NEUROD1: variants seen among roughly 807,000 people sequenced by gnomAD.
The protein encoded by NEUROD1 is neuronal differentiation 1.
Under a neutral mutation model 21.8 loss-of-function variants are expected in NEUROD1, and 9 were observed. That is an observed-to-expected ratio of 0.41 (90% CI 0.25 to 0.72). The LOEUF (loss-of-function observed/expected upper bound fraction) is 0.72. NEUROD1 is among the 30% of genes least tolerant of loss of function. NEUROD1 has a pLI of 0.31. For missense variants in NEUROD1, 434 were observed against 468.8 expected, an observed-to-expected ratio of 0.93 and a Z score of 0.69; for synonymous variants, 199 against 186.2, an observed-to-expected ratio of 1.07 and a Z score of -0.56.
downstream of NEUROD1, among the ~76,000 whole-genome samples, chr2:181,670,024 T>A (rs1167714819): frequency 6.6e-6 from 1 of 152,196 alleles, no homozygotes; most frequent in African/African-American, 2.4e-5. Context: ...GGACTAGAAT[T>A]TTTTTAAAAT....
At chr2:181,672,621 G>A (rs1429933455), downstream of NEUROD1, among the ~76,000 whole-genome samples, 1 of 152,206 alleles carries the variant, frequency 6.6e-6, no homozygotes, top group Non-Finnish European at 1.5e-5. Flanking sequence ...AGTGATTTTG[G>A]TGGAGTTGAA....
At chr2:181,672,123 T>C (rs1688507588), downstream of NEUROD1, among the ~76,000 whole-genome samples, 1 of 152,192 alleles carries the variant, frequency 6.6e-6, no homozygotes, top group African/African-American at 2.4e-5. Flanking sequence ...AAGCCTATAA[T>C]AGTTTTTCTT....
exon 2 of NEUROD1, among the ~76,000 whole-genome samples, chr2:181,670,435 A>G (rs1015683870): frequency 6.6e-6 from 1 of 152,324 alleles, no homozygotes; most frequent in East Asian, 1.9e-4. Flanking sequence ...TATCATTAAA[A>G]GTTTAAGAAG....
exon 2 of NEUROD1, among the ~76,000 whole-genome samples, chr2:181,671,063 T>TAC (rs1688491594): frequency 8.6e-6 from 1 of 116,628 alleles, no homozygotes; most frequent in Non-Finnish European, 2.0e-5. Context: ...ACACCATATA[T>TAC]ACACATATAT....
chr2:181,671,082 G>GTATA (rs1389852082), exon 2 of NEUROD1, among the ~76,000 whole-genome samples: 6 of 130,344 alleles, frequency 4.6e-5, no homozygotes, highest in Non-Finnish European at 8.9e-5. Flanking sequence ...ATATATATAC[G>GTATA]TTTTCCCTTG....
Position 181,677,650 on chromosome 2 carries a change from CAATA to C in NEUROD1, c.*136_*139del. The C allele has an allele frequency of 5.4e-6, 8 of 1,484,612 alleles. No homozygotes were observed. The African/African-American group carries it at 9.7e-5, about 18-fold the overall frequency. The allele number at this position is 1,484,612 out of a possible 1,614,324, so 92.0% of individuals were successfully genotyped here. A position where few individuals can be genotyped will look rare whatever the true frequency, so the allele number is the denominator to read the frequency against. ...CTGTTTCTTCCAAAGGCAGTAATGA[CAATA>C]AATACATATATCACTTGAAGCTTGG... On this transcript the variant is annotated 3_prime_UTR_variant, in exon 2 of 2. Coordinates refer to ENST00000295108, the MANE Select transcript of NEUROD1 (RefSeq NM_002500.5).
In NEUROD1 at chr2:181,678,889, G is replaced by A. The variant is rs1456296474; in HGVS notation, c.-11-18C>T. On this transcript the variant is annotated intron_variant, in intron 1 of 1. Transcript: ENST00000295108. This position sits in a 1 kb window ranked among gnomAD's most constrained non-coding sequence, Gnocchi z 5.5. ...TCGATTTCCTACATTCAACAAGGGA[G>A]AGGCAAACAGAAAGAAAAGCAGAAA... 1.2e-6 allele frequency: 2 copies of A among 1,612,166 alleles called. No individual in the cohort carries two copies. Among genetic ancestry groups the A allele is most frequent in the Non-Finnish European group, 8.5e-7 (1 of 1,180,016 alleles).
chr2:181,674,118 A>G (rs1688532263), downstream of NEUROD1, among the ~76,000 whole-genome samples: 1 of 152,192 alleles, frequency 6.6e-6, no homozygotes. Context: ...TGCATGTTAC[A>G]ATATTTAGCC....
downstream of NEUROD1, among the ~76,000 whole-genome samples, chr2:181,676,059 T>G (rs1306375510): frequency 2.0e-5 from 3 of 152,186 alleles, no homozygotes; most frequent in Non-Finnish European, 4.4e-5. Flanking sequence ...CTTAAATGTA[T>G]AGACAAACTA....
rs188971339 is a variant in NEUROD1, at chr2:181,678,813, G to A, written c.48C>T (p.Pro16=). The A allele has an allele frequency of 6.2e-7, 1 of 1,614,078 alleles. No individual in the cohort carries two copies. The highest frequency in any genetic ancestry group is 8.5e-7 in the Non-Finnish European group (1 of 1,180,012). Residue 16 remains proline, a synonymous_variant, in exon 2 of 2, where the codon CCC becomes CCT. Transcript: ENST00000295108. The surrounding 1 kb of genome is among the most constrained non-coding windows in gnomAD (Gnocchi z 5.5). ...CGTCTGTCCAGCTTGGAGGACCTTGGGGCTGAGGCTCGCCCATCAGCCCAC... is the reference window on the plus strand; with the variant it reads ...CGTCTGTCCAGCTTGGAGGACCTTGAGGCTGAGGCTCGCCCATCAGCCCAC... The part of the protein sequence containing the change: ...SESGLMGEPQ[P]QGPPSWTDEC...
At chr2:181,680,206 C>T (rs555224887) in intron 1 of NEUROD1, among the ~76,000 whole-genome samples, 22 of 152,212 alleles carry the variant, frequency 1.4e-4, no homozygotes, top group Admixed American at 1.3e-3. Context: ...ATGCTATCCA[C>T]AAAAGAAACC....
Position 181,677,648 on chromosome 2 carries a change from G to A in NEUROD1, c.*142C>T, listed in dbSNP as rs1479099556. 4.8e-6 allele frequency: 7 copies of A among 1,456,844 alleles called. No individual in the cohort carries two copies. Among genetic ancestry groups the A allele is most frequent in the Non-Finnish European group, 4.7e-6 (5 of 1,068,204 alleles). 90.2% of individuals were successfully genotyped at this position (1,456,844 alleles called of 1,614,324 possible). ...CCCTGTTTCTTCCAAAGGCAGTAAT[G>A]ACAATAAATACATATATCACTTGAA... On this transcript the variant is annotated 3_prime_UTR_variant, in exon 2 of 2. Transcript: ENST00000295108.
Position 181,677,641 on chromosome 2 carries a change from C to A in NEUROD1, c.*149G>T. On this transcript the variant is annotated 3_prime_UTR_variant, in exon 2 of 2. Coordinates refer to ENST00000295108, the MANE Select transcript of NEUROD1 (RefSeq NM_002500.5). ...TTTGATCCCCTGTTTCTTCCAAAGGCAGTAATGACAATAAATACATATATC... is the reference window on the plus strand; with the variant it reads ...TTTGATCCCCTGTTTCTTCCAAAGGAAGTAATGACAATAAATACATATATC... The A allele has an allele frequency of 7.2e-7, 1 of 1,392,198 alleles. No individual in the cohort carries two copies. Among genetic ancestry groups the A allele is most frequent in the South Asian group, 1.3e-5 (1 of 78,088 alleles). 86.2% of individuals were successfully genotyped at this position (1,392,198 alleles called of 1,614,324 possible).
downstream of NEUROD1, among the ~76,000 whole-genome samples, chr2:181,671,905 G>A (rs1454601268): frequency 6.6e-6 from 1 of 152,178 alleles, no homozygotes; most frequent in Admixed American, 6.5e-5. Context: ...GTCACCAAAA[G>A]TGATGGTGAT....
chr2:181,679,143 G>T (rs1688653715), intron 1 of NEUROD1, among the ~76,000 whole-genome samples: 1 of 152,096 alleles, frequency 6.6e-6, no homozygotes, highest in South Asian at 2.1e-4. Context: ...ATATGTGTTT[G>T]TATCCTAGTG....
In NEUROD1 at chr2:181,678,329, G is replaced by C. The variant is rs768505181; in HGVS notation, c.532C>G (p.Gln178Glu). Residue 178 changes from glutamine (Q) to glutamate (E), a missense_variant, in exon 2 of 2, where the codon CAA (glutamine) becomes GAA (glutamate). Transcript: ENST00000295108. This position sits in a 1 kb window ranked among gnomAD's most constrained non-coding sequence, Gnocchi z 5.5. The stretch of plus-strand genomic sequence containing the variant: ...CCCGCAACCAGGTTGGTGGTGGGTT[G>C]GGATAAGCCCTTGCAAAGCGTCTGA... ...FVQTLCKGLSQPTTNLVAGCL... is the reference protein window; with the variant it reads ...FVQTLCKGLSEPTTNLVAGCL... The C allele has an allele frequency of 3.1e-6, 5 of 1,614,024 alleles. No individual in the cohort carries two copies. The highest frequency in any genetic ancestry group is 4.2e-6 in the Non-Finnish European group (5 of 1,179,892).
chr2:181,674,164 CAT>C (rs1688533165), downstream of NEUROD1, among the ~76,000 whole-genome samples: 1 of 152,154 alleles, frequency 6.6e-6, no homozygotes. Flanking sequence ...CCTGATTTTA[CAT>C]ACCAGCTTTT....
intron 1 of NEUROD1, among the ~76,000 whole-genome samples, chr2:181,679,916 C>A (rs959415020): frequency 2.0e-5 from 3 of 152,214 alleles, no homozygotes; most frequent in Non-Finnish European, 4.4e-5. Flanking sequence ...CCTTTCTCCA[C>A]TTTCCCCCCT....
downstream of NEUROD1, among the ~76,000 whole-genome samples, chr2:181,674,819 A>C (rs971805119): frequency 2.8e-5 from 4 of 144,556 alleles, no homozygotes; most frequent in African/African-American, 4.9e-5. Flanking sequence ...AAAAAAAAAA[A>C]ACCTAACTTT....
Sources: gnomAD v4.1 joint callset for allele counts (sites outside exome capture counted in the v4.1 genomes callset) on GRCh38, gnomAD v4.1.1 for gene constraint, Gnocchi (gnomAD v3.1) non-coding constraint, MANE v1.5 for transcripts, NCBI Gene and HGNC (gene_info 2026-07-23, HGNC 2026-07-21) for gene names.